Variants in VDR observed in about 807,000 individuals in gnomAD.
The protein encoded by VDR is vitamin D3 receptor.
VDR carries 19 observed loss-of-function variants against 39.7 expected under a neutral mutation model. That is an observed-to-expected ratio of 0.48 (90% confidence interval 0.33 to 0.70). VDR has a LOEUF of 0.70. Among genes scored for constraint, VDR ranks in the 30% least tolerant of loss-of-function variants. The pLI, the probability that VDR is intolerant of heterozygous loss-of-function variation, is 0.02. For missense variants in VDR, 442 were observed against 570.5 expected, an observed-to-expected ratio of 0.77 and a Z score of 2.29; for synonymous variants, 242 against 215.8, an observed-to-expected ratio of 1.12 and a Z score of -1.07.
At chr12:47,880,193 T>C (rs930533127) in intron 2 of VDR, among the ~76,000 whole-genome samples, 2 of 152,050 alleles carry the variant, frequency 1.3e-5, no homozygotes, top group South Asian at 4.1e-4. Context: ...GTCCTTCTTG[T>C]CAGAAGAAAA....
chr12:47,881,104 G>GTATATA (rs367879517), intron 2 of VDR, among the ~76,000 whole-genome samples: 2 of 106,256 alleles, frequency 1.9e-5, no homozygotes, highest in African/African-American at 5.5e-5. Context: ...GTGTGTGTGT[G>GTATATA]TATATATATA....
chr12:47,857,029 G>A, intron 6 of VDR, 100 bp downstream of exon 6: 1 of 1,569,964 alleles, frequency 6.4e-7, no homozygotes, highest in Non-Finnish European at 8.7e-7. Flanking sequence ...GTTTCCATTA[G>A]GGAGCCTTCC....
chr12:47,851,257 C>T (rs1225616202), intron 7 of VDR, among the ~76,000 whole-genome samples: 2 of 152,118 alleles, frequency 1.3e-5, no homozygotes, highest in African/African-American at 4.8e-5. Flanking sequence ...TGCTCTTGGC[C>T]ATTTAGATGC....
intron 2 of VDR, among the ~76,000 whole-genome samples, chr12:47,880,877 T>C: frequency 6.9e-6 from 1 of 143,998 alleles, no homozygotes; most frequent in East Asian, 2.0e-4. Context: ...TATTATATAT[T>C]AATATATATT....
intron 7 of VDR, among the ~76,000 whole-genome samples, chr12:47,848,728 A>G (rs1014603433): frequency 2.6e-5 from 4 of 151,532 alleles, no homozygotes; most frequent in Non-Finnish European, 5.9e-5. Context: ...CACCACACTC[A>G]GCTAATTTTT....
In VDR at chr12:47,879,007, A is replaced by G; in HGVS notation, c.107T>C (p.Phe36Ser). The change falls in exon 3 of 10, where the codon TTC becomes TCC. Residue 36 changes from phenylalanine (F) to serine (S), a missense_variant. By Grantham distance (155) the Phe-to-Ser change is radical. This residue lies in a region of VDR where 141 missense variants were observed against 141.3 expected (regional missense o/e 1.00). Transcript: ENST00000549336. ...GCAGCCTTCACAGGTCATAGCATTGAAGTGAAAGCCAGTGGCTCGGTCTCC... is the reference window on the plus strand; with the variant it reads ...GCAGCCTTCACAGGTCATAGCATTGGAGTGAAAGCCAGTGGCTCGGTCTCC... ...VCGDRATGFH[F>S]NAMTCEGCKG... is the part of the protein sequence containing the mutation. The G allele has an allele frequency of 6.2e-7, 1 of 1,614,176 alleles. No homozygotes were observed. Among genetic ancestry groups the G allele is most frequent in the Non-Finnish European group, 8.5e-7 (1 of 1,180,020 alleles).
Position 47,857,657 on chromosome 12 carries a change from C to T in VDR, c.309G>A (p.Lys103=), listed in dbSNP as rs1945519690. 1 of 1,614,074 alleles carries T rather than the reference C, an allele frequency of 6.2e-7. No homozygotes were observed. The highest frequency in any genetic ancestry group is 1.1e-5 in the South Asian group (1 of 91,084). ...CCTTCCGCTTCAGGATCATCTCCCG[C>T]TTCCTCTGCACTTCCTCATCTGTCA... The part of the protein sequence containing the change: ...FILTDEEVQR[K]REMILKRKEE... The change falls in exon 5 of 10, where the codon AAG becomes AAA. Residue 103 remains lysine, a synonymous_variant. Transcript: ENST00000549336.
chr12:47,898,655 G>A (rs1189925437), intron 1 of VDR: 2 of 154,938 alleles, frequency 1.3e-5, no homozygotes, highest in Non-Finnish European at 2.9e-5. Flanking sequence ...AAATCGTGGT[G>A]TATTTTTCCA....
chr12:47,904,655 G>GA, intron 1 of VDR: 1 of 1,533,146 alleles, frequency 6.5e-7, no homozygotes, highest in Non-Finnish European at 8.7e-7. Context: ...ACAGAAGAAG[G>GA]AAACAAATAC....
chr12:47,886,255 C>G (rs1162933650), intron 1 of VDR, among the ~76,000 whole-genome samples: 1 of 152,234 alleles, frequency 6.6e-6, no homozygotes, highest in South Asian at 2.1e-4. Flanking sequence ...TGTACTTGTG[C>G]GTACACACCC....
chr12:47,856,982 T>A, intron 6 of VDR, 147 bp downstream of exon 6: 1 of 1,265,216 alleles, frequency 7.9e-7, no homozygotes, highest in Non-Finnish European at 1.1e-6. Context: ...AGAGGGGCTG[T>A]TGTGAAGACG....
chr12:47,871,459 T>A (rs1163705880), intron 3 of VDR, among the ~76,000 whole-genome samples: 1 of 134,078 alleles, frequency 7.5e-6, no homozygotes, highest in Non-Finnish European at 1.6e-5. Context: ...CTTTTCTCTC[T>A]TTCTTTCTTT....
At chr12:47,883,434 A>T (rs751327534) in intron 1 of VDR, among the ~76,000 whole-genome samples, 5 of 152,188 alleles carry the variant, frequency 3.3e-5, no homozygotes, top group African/African-American at 7.2e-5. Context: ...GTTTTCTGCC[A>T]CTTTTAGCTC....
At chr12:47,870,227 T>C (rs1245047574) in intron 3 of VDR, among the ~76,000 whole-genome samples, 5 of 152,182 alleles carry the variant, frequency 3.3e-5, no homozygotes, top group Admixed American at 3.3e-4. Context: ...CTTCCACATG[T>C]GTGGCTGTCA....
At chr12:47,857,854 A>C (rs2137147701) in intron 4 of VDR, among the ~76,000 whole-genome samples, 166 bp from the exon 5 acceptor site, 1 of 152,218 alleles carries the variant, frequency 6.6e-6, no homozygotes, top group Non-Finnish European at 1.5e-5. Context: ...GTGAAGAAAA[A>C]TTGGGTTTGC....
At chr12:47,867,129 G>A (rs1209335101) in intron 3 of VDR, among the ~76,000 whole-genome samples, 1 of 152,140 alleles carries the variant, frequency 6.6e-6, no homozygotes, top group African/African-American at 2.4e-5. Flanking sequence ...GCCGAGGTGG[G>A]TGGATCATGA....
chr12:47,887,168 A>G (rs2137223444), intron 1 of VDR, among the ~76,000 whole-genome samples: 1 of 152,072 alleles, frequency 6.6e-6, no homozygotes, highest in East Asian at 1.9e-4. Context: ...GAAAAAATAC[A>G]AAAATTAGCC....
Position 47,882,764 on chromosome 12 carries a change from C to T in VDR, c.-73G>A, listed in dbSNP as rs1946181237. 3.9e-6 allele frequency: 6 copies of T among 1,534,796 alleles called. No individual in the cohort carries two copies. In the South Asian group the frequency reaches 6.0e-5, roughly 15 times the overall value. On this transcript the variant is annotated 5_prime_UTR_variant, in exon 2 of 10. Transcript: ENST00000549336. ...TGTGAGGTCTCACAGACACTTCAGA[C>T]CCAAAGGCTTCTGAAATGAAGAAGG...
chr12:47,861,609 T>A (rs1470456088), intron 4 of VDR, among the ~76,000 whole-genome samples: 2 of 152,250 alleles, frequency 1.3e-5, no homozygotes, highest in African/African-American at 4.8e-5. Flanking sequence ...ATATGATATA[T>A]GAAGCCATTG....
Sources: allele counts gnomAD v4.1 joint callset (sites outside exome capture counted in the v4.1 genomes callset), GRCh38; gene constraint gnomAD v4.1.1; regional missense constraint gnomAD v4.1.1; transcripts MANE v1.5; gene names NCBI Gene and HGNC (gene_info 2026-07-23, HGNC 2026-07-21).